The following DYM variants were observed in gnomAD, a reference collection of about 807,000 sequenced individuals.
DYM encodes dymeclin.
A neutral mutation model predicts 93.1 loss-of-function variants in DYM; 78 were observed. That is an observed-to-expected ratio of 0.84 (90% CI 0.70 to 1.01). The LOEUF is 1.01. DYM is among the 50% of genes least tolerant of loss of function. The probability of loss-of-function intolerance (pLI) is 0.00; values close to 1 mark genes in which losing one functional copy is unlikely to be tolerated. For synonymous variants in DYM, 321 were observed against 319.7 expected (o/e 1.00, Z -0.04); for missense variants, 789 against 845.0 (o/e 0.93, Z 0.82).
At chr18:49,267,900 C>CAAAT (rs140401577) in intron 11 of DYM, among the ~76,000 whole-genome samples, 12,122 of 151,368 alleles carry the variant, frequency 0.08, 746 homozygotes, top group East Asian at 0.3. Context: ...GTGTCTCAAA[C>CAAAT]AAACAAACAA....
intron 6 of DYM, among the ~76,000 whole-genome samples, chr18:49,358,167 A>G (rs918508235): frequency 2.0e-5 from 3 of 152,172 alleles, no homozygotes; most frequent in African/African-American, 7.2e-5. Context: ...ATAAATAAAT[A>G]AGTAAATAAA....
chr18:49,272,320 A>T lies in DYM; in HGVS notation c.1126-17T>A, dbSNP rs201365729. ...TGGTAAAACCTAGAGAATAAAAATT[A>T]TAATTGACTATTTCAATACTTCATT... On this transcript the variant is annotated splice_polypyrimidine_tract_variant and intron_variant, in intron 10 of 17. Transcript: ENST00000675505. 22 of 1,418,246 alleles carry T rather than the reference A, an allele frequency of 1.6e-5. No homozygotes were observed. The East Asian group carries it at 5.1e-4, about 33-fold the overall frequency. 87.9% of individuals were successfully genotyped at this position (1,418,246 alleles called of 1,614,324 possible).
intron 1 of DYM, among the ~76,000 whole-genome samples, chr18:49,445,583 A>G (rs1413312410): frequency 5.3e-5 from 8 of 152,212 alleles, no homozygotes; most frequent in Admixed American, 5.2e-4. Context: ...AATTTAGAAG[A>G]TTTTAATATA....
At chr18:49,045,893 G>A (rs1427931192) in intron 17 of DYM, among the ~76,000 whole-genome samples, 2 of 152,182 alleles carry the variant, frequency 1.3e-5, no homozygotes, top group African/African-American at 2.4e-5. Context: ...TGAAGGCTAA[G>A]GCATGAGAAT....
chr18:49,443,248 T>C (rs1318454211), intron 1 of DYM, among the ~76,000 whole-genome samples: 1 of 152,234 alleles, frequency 6.6e-6, no homozygotes, highest in Non-Finnish European at 1.5e-5. Context: ...AAAGTCTTAT[T>C]AGAATACAGC....
chr18:49,175,216 G>A (rs1309530034), intron 14 of DYM, among the ~76,000 whole-genome samples: 10 of 152,100 alleles, frequency 6.6e-5, no homozygotes, highest in Admixed American at 1.3e-4. Context: ...AGTGTTCTGC[G>A]CACAACATGG....
intron 1 of DYM, among the ~76,000 whole-genome samples, chr18:49,432,098 C>T (rs1396441555): frequency 1.3e-5 from 2 of 152,054 alleles, no homozygotes; most frequent in South Asian, 2.1e-4. Flanking sequence ...GAAGGCCGGG[C>T]GCTGTGGCTC....
At chr18:49,218,421 G>A (rs1326149989) in intron 13 of DYM, among the ~76,000 whole-genome samples, 1 of 152,174 alleles carries the variant, frequency 6.6e-6, no homozygotes, top group Admixed American at 6.5e-5. Flanking sequence ...GACATCTACA[G>A]AACTCTGCAC....
chr18:49,393,104 G>A lies in DYM; in HGVS notation c.141-1459C>T, dbSNP rs1398606485. ...AGAAGGGAGGGAGGGAAGGAAGGAAGGAAGGAAGGAAGGAAGGAAGGAAGG... is the reference window on the plus strand; with the variant it reads ...AGAAGGGAGGGAGGGAAGGAAGGAAAGAAGGAAGGAAGGAAGGAAGGAAGG... On this transcript the variant is annotated intron_variant, in intron 2 of 17. Transcript: ENST00000675505. 3.6e-3 allele frequency among the ~76,000 whole-genome samples: 12 copies of A among 3,334 alleles called. 1 individual carries two copies. The highest frequency in any genetic ancestry group is 8.9e-3 in the African/African-American group (8 of 896). The allele number at this position is 3,334 out of a possible 152,430, so 2.2% of individuals were successfully genotyped here. A position where few individuals can be genotyped will look rare whatever the true frequency, so the allele number is the denominator to read the frequency against.
At chr18:49,058,486 A>C (rs1336984828) in intron 17 of DYM, among the ~76,000 whole-genome samples, 1 of 151,914 alleles carries the variant, frequency 6.6e-6, no homozygotes. Flanking sequence ...TGCCTGGCAA[A>C]TTTTTAAATT....
At chr18:49,157,333 C>G (rs1242953954) in intron 15 of DYM, among the ~76,000 whole-genome samples, 1 of 152,178 alleles carries the variant, frequency 6.6e-6, no homozygotes, top group African/African-American at 2.4e-5. Flanking sequence ...GAACTAACAC[C>G]TGTGGTCCCA....
Position 49,435,377 on chromosome 18 carries a change from T to A in DYM, c.-53-4930A>T, listed in dbSNP as rs1234900528. ...GTATTATTTAAAAGCAATCTTGGAT[T>A]GCTTGTAAATGTAGATTACAAACTC... On this transcript the variant is annotated intron_variant, in intron 1 of 17. Coordinates refer to ENST00000675505, the MANE Select transcript of DYM (RefSeq NM_001353214.3). Among the ~76,000 whole-genome samples, 4 of 150,494 alleles carry A rather than the reference T, an allele frequency of 2.7e-5. No homozygotes were observed. The East Asian group carries it at 7.7e-4, about 29-fold the overall frequency.
chr18:49,281,523 A>G (rs1379034688), intron 10 of DYM, among the ~76,000 whole-genome samples: 2 of 152,246 alleles, frequency 1.3e-5, no homozygotes, highest in South Asian at 2.1e-4. Context: ...TGGCAGTACT[A>G]TTCACAACAG....
intron 2 of DYM, among the ~76,000 whole-genome samples, chr18:49,419,256 A>C (rs1007633000): frequency 6.6e-6 from 1 of 152,164 alleles, no homozygotes; most frequent in Non-Finnish European, 1.5e-5. Flanking sequence ...GCTACTCGGA[A>C]GCCTGAGGCA....
chr18:49,402,155 G>A (rs2070925496), intron 2 of DYM, among the ~76,000 whole-genome samples: 1 of 152,156 alleles, frequency 6.6e-6, no homozygotes. Flanking sequence ...TCCCTAGGGA[G>A]ACAACTGTCA....
intron 7 of DYM, among the ~76,000 whole-genome samples, chr18:49,332,702 A>G (rs2063395348): frequency 6.6e-6 from 1 of 152,216 alleles, no homozygotes; most frequent in African/African-American, 2.4e-5. Flanking sequence ...AAAAATAAGT[A>G]AAGAACATAT....
At chr18:49,455,010 T>C (rs2082859462) in intron 1 of DYM, among the ~76,000 whole-genome samples, 1 of 151,924 alleles carries the variant, frequency 6.6e-6, no homozygotes, top group Admixed American at 6.6e-5. Context: ...CTCTCCTTTC[T>C]TCTATTAGAC....
chr18:49,108,500 C>T (rs1048998359), intron 16 of DYM, among the ~76,000 whole-genome samples: 26 of 152,380 alleles, frequency 1.7e-4, no homozygotes, highest in African/African-American at 6.3e-4. Context: ...GCATCGCTCA[C>T]ACTGGGAGCT....
intron 3 of DYM, among the ~76,000 whole-genome samples, chr18:49,389,692 G>A (rs1389802253): frequency 6.6e-6 from 1 of 151,272 alleles, no homozygotes; most frequent in African/African-American, 2.4e-5. Context: ...CGTGTAGATG[G>A]GTAAGATGTA....
Sources: gnomAD v4.1 joint callset for allele counts (sites outside exome capture counted in the v4.1 genomes callset) on GRCh38, gnomAD v4.1.1 for gene constraint, MANE v1.5 for transcripts, NCBI Gene and HGNC (gene_info 2026-07-23, HGNC 2026-07-21) for gene names.